DNAH14: variants seen among roughly 807,000 people sequenced by gnomAD.
The protein encoded by DNAH14 is axonemal beta dynein heavy chain 14.
DNAH14 carries 478 observed loss-of-function variants against 520.9 expected under a neutral mutation model. The ratio of observed to expected loss-of-function variants is 0.92; its 90% CI spans 0.85 to 0.99. The LOEUF (loss-of-function observed/expected upper bound fraction) is 0.99. Ranked by LOEUF, DNAH14 falls within the 50% of genes least tolerant of loss-of-function variation. The pLI is 0.00. For synonymous variants in DNAH14, 1,581 were observed against 1,757.2 expected (o/e 0.90, Z 2.51); for missense variants, 4,831 against 5,234.5 (o/e 0.92, Z 2.38).
chr1:225,173,740 C>T (rs1034250265), intron 36 of DNAH14, among the ~76,000 whole-genome samples: 79 of 152,150 alleles, frequency 5.2e-4, no homozygotes, highest in Non-Finnish European at 9.3e-4. Context: ...TACCATTTGA[C>T]CCAGCCATCC....
chr1:225,100,223 G>A (rs1480112), intron 22 of DNAH14, among the ~76,000 whole-genome samples: 92,710 of 151,868 alleles, frequency 0.61, 28,909 homozygotes, highest in East Asian at 0.79. Context: ...TGAGATAACC[G>A]TTAATAGAAC....
chr1:225,193,482 C>A (rs750446065), intron 38 of DNAH14, among the ~76,000 whole-genome samples: 1 of 152,018 alleles, frequency 6.6e-6, no homozygotes, highest in Non-Finnish European at 1.5e-5. Context: ...TTAAGCCTGG[C>A]AGTTCAAGAC....
chr1:225,389,907 G>C (rs747102422), intron 83 of DNAH14, 34 bp downstream of exon 83: 3 of 1,546,202 alleles, frequency 1.9e-6, no homozygotes, highest in Non-Finnish European at 2.6e-6. Flanking sequence ...CTCCAGACCT[G>C]GCCCAGGCAA....
chr1:225,049,995 T>G (rs74146622), intron 15 of DNAH14, among the ~76,000 whole-genome samples: 3,768 of 152,258 alleles, frequency 0.025, 123 homozygotes, highest in African/African-American at 0.077. Flanking sequence ...TCCCATCACC[T>G]CCACTCAATT....
chr1:225,199,584 C>T lies in DNAH14; in HGVS notation c.5887-4599C>T, dbSNP rs149916003. On this transcript the variant is annotated intron_variant, in intron 38 of 85. Coordinates refer to ENST00000682510, the MANE Select transcript of DNAH14 (RefSeq NM_001367479.1). ...AATTTTTAAATTTCCATCTTGATTT[C>T]ATTTTGACCCAGTTATCATTCAGGA... Among the ~76,000 whole-genome samples the T allele has an allele frequency of 1.3e-3, 198 of 152,214 alleles. 2 individuals are homozygous for T. In the Middle Eastern group the frequency reaches 0.02, roughly 16 times the overall value.
At chr1:225,291,915 GGTTTT>G (rs1464234925) in intron 55 of DNAH14, among the ~76,000 whole-genome samples, 2 of 151,796 alleles carry the variant, frequency 1.3e-5, no homozygotes, top group African/African-American at 2.4e-5. Flanking sequence ...TTTTTAATCA[GGTTTT>G]GTTTTGTTTT....
intron 21 of DNAH14, among the ~76,000 whole-genome samples, chr1:225,093,848 C>T (rs1050795258): frequency 6.6e-6 from 1 of 152,124 alleles, no homozygotes; most frequent in Non-Finnish European, 1.5e-5. Context: ...AACATCCAAC[C>T]TGAGAGCCAA....
In DNAH14 at chr1:225,316,564, T is replaced by G. The variant is rs2094470642; in HGVS notation, c.9241-2019T>G. Among the ~76,000 whole-genome samples, 3 of 152,292 alleles carry G rather than the reference T, an allele frequency of 2.0e-5. No homozygotes were observed. In the South Asian group the frequency reaches 6.2e-4, roughly 32 times the overall value. On this transcript the variant is annotated intron_variant, in intron 60 of 85. Transcript: ENST00000682510. ...GTATCTGGGCCAGAATGCACCGTCC[T>G]TCATGGCACAGTCCCTCATGGCTTT... is the stretch of plus-strand genomic sequence containing the variant.
intron 69 of DNAH14, among the ~76,000 whole-genome samples, chr1:225,345,584 T>C (rs1015291188): frequency 6.6e-6 from 1 of 152,226 alleles, no homozygotes; most frequent in African/African-American, 2.4e-5. Flanking sequence ...ATAAATCACG[T>C]AAAATAATGG....
intron 16 of DNAH14, among the ~76,000 whole-genome samples, chr1:225,050,751 G>A (rs1468092867): frequency 6.6e-6 from 1 of 152,138 alleles, no homozygotes; most frequent in African/African-American, 2.4e-5. Flanking sequence ...TTACGTCTTT[G>A]GTGAATTGGG....
chr1:224,940,685 C>A (rs915491166), intron 1 of DNAH14, among the ~76,000 whole-genome samples: 1 of 151,288 alleles, frequency 6.6e-6, no homozygotes, highest in Non-Finnish European at 1.5e-5. Flanking sequence ...CCCCACCCCA[C>A]AACAGGCCCC....
In DNAH14 at chr1:225,353,668, T is replaced by A. The variant is rs140397656; in HGVS notation, c.11534-135T>A. The A allele has an allele frequency of 1.4e-3, 848 of 611,140 alleles. 1 individual carries two copies. Among genetic ancestry groups the A allele is most frequent in the Non-Finnish European group, 2.2e-3 (749 of 339,738 alleles). 37.9% of individuals were successfully genotyped at this position (611,140 alleles called of 1,614,324 possible). On this transcript the variant is annotated intron_variant, in intron 72 of 85. Coordinates refer to ENST00000682510, the MANE Select transcript of DNAH14 (RefSeq NM_001367479.1). ...GCCTCAAAGCTTATAGAAATAAAGC[T>A]CACTTTAAAAGTCAGCCATGTTTAG...
intron 77 of DNAH14, among the ~76,000 whole-genome samples, chr1:225,370,526 T>C (rs952123233): frequency 6.6e-6 from 1 of 151,422 alleles, no homozygotes; most frequent in Non-Finnish European, 1.5e-5. Flanking sequence ...TCTCAAAAAA[T>C]AAAAATAAAT....
At chr1:225,138,420 C>T (rs577056190) in intron 27 of DNAH14, among the ~76,000 whole-genome samples, 1 of 152,342 alleles carries the variant, frequency 6.6e-6, no homozygotes, top group South Asian at 2.1e-4. Flanking sequence ...GGGTCTTAAC[C>T]TGTGAGGTGC....
chr1:225,142,628 C>T (rs61041116), intron 28 of DNAH14, among the ~76,000 whole-genome samples: 30,177 of 152,094 alleles, frequency 0.2, 6,168 homozygotes, highest in African/African-American at 0.51. Flanking sequence ...AAGTAACTGG[C>T]TATTTAAAAA....
rs1387834407 is a variant in DNAH14, at chr1:225,060,828, G to A, written c.2424+9033G>A. On this transcript the variant is annotated intron_variant, in intron 17 of 85. Coordinates refer to ENST00000682510, the MANE Select transcript of DNAH14 (RefSeq NM_001367479.1). ...TCAGCAGCAGACACTGCAGAACAGC[G>A]GATATTGGTGAACAGCAAATGTTGC... is the stretch of plus-strand genomic sequence containing the variant. Among the ~76,000 whole-genome samples the A allele has an allele frequency of 1.1e-4, 5 of 45,386 alleles. 1 individual carries two copies. The highest frequency in any genetic ancestry group is 1.7e-4 in the African/African-American group (5 of 30,158). 29.8% of individuals were successfully genotyped at this position (45,386 alleles called of 152,430 possible).
intron 55 of DNAH14, among the ~76,000 whole-genome samples, chr1:225,297,309 T>G (rs1468369788): frequency 6.6e-6 from 1 of 152,114 alleles, no homozygotes; most frequent in South Asian, 2.1e-4. Context: ...ATCTTGTATC[T>G]TACTGCATTT....
In DNAH14 at chr1:224,934,297, A is replaced by G. The variant is rs192499931; in HGVS notation, c.-34+4462A>G. Among the ~76,000 whole-genome samples the G allele has an allele frequency of 4.2e-3, 638 of 152,122 alleles. 4 individuals carry two copies. The highest frequency in any genetic ancestry group is 0.015 in the African/African-American group (607 of 41,562). On this transcript the variant is annotated intron_variant, in intron 1 of 85. Transcript: ENST00000682510. ...TACAAATAAATCAGAAGAATAATTT[A>G]GGACATGAATGAGTAATTTCCTAAA...
At chr1:225,188,753 G>A (rs765569082) in intron 37 of DNAH14, among the ~76,000 whole-genome samples, 2 of 151,922 alleles carry the variant, frequency 1.3e-5, no homozygotes, top group African/African-American at 4.8e-5. Flanking sequence ...TAGGAATTGC[G>A]TTGATCCTGT....
Sources: allele counts gnomAD v4.1 joint callset (sites outside exome capture counted in the v4.1 genomes callset), GRCh38; gene constraint gnomAD v4.1.1; transcripts MANE v1.5; gene names NCBI Gene and HGNC (gene_info 2026-07-23, HGNC 2026-07-21).